Variants in KIF16B observed in about 807,000 individuals in gnomAD.
KIF16B encodes the protein kinesin family member 16B, also known as kinesin-like protein KIF16B.
A neutral mutation model predicts 156.3 loss-of-function variants in KIF16B; 98 were observed. The observed-to-expected ratio is 0.63, with a 90% CI of 0.53 to 0.74. The LOEUF (loss-of-function observed/expected upper bound fraction) is 0.74, where lower values mean the gene tolerates loss of function less well. KIF16B is among the 30% of genes least tolerant of loss of function. The pLI, the probability that KIF16B is intolerant of heterozygous loss-of-function variation, is 0.00. For synonymous variants in KIF16B, 564 were observed against 583.7 expected (o/e 0.97, Z 0.49); for missense variants, 1,421 against 1,606.5 (o/e 0.88, Z 1.97).
intron 12 of KIF16B, among the ~76,000 whole-genome samples, chr20:16,485,695 G>T (rs866733979): frequency 3.9e-5 from 6 of 152,274 alleles, no homozygotes; most frequent in Middle Eastern, 3.4e-3. Flanking sequence ...TCAGTGTTCA[G>T]ACCTACTGAG....
intron 23 of KIF16B, among the ~76,000 whole-genome samples, chr20:16,341,729 C>T (rs907934668): frequency 6.6e-6 from 1 of 152,218 alleles, no homozygotes. Flanking sequence ...TGGGCTGGGG[C>T]CCAGCAGTCT....
chr20:16,328,217 C>A (rs1457206834), intron 24 of KIF16B, among the ~76,000 whole-genome samples: 2 of 152,154 alleles, frequency 1.3e-5, no homozygotes, highest in African/African-American at 4.8e-5. Flanking sequence ...TGAACAATTG[C>A]TCTAACACAG....
intron 25 of KIF16B, among the ~76,000 whole-genome samples, chr20:16,277,936 C>T (rs373128258): frequency 6.6e-6 from 1 of 152,234 alleles, no homozygotes; most frequent in African/African-American, 2.4e-5. Context: ...GACAGTGACA[C>T]ACCTGAGTCT....
chr20:16,345,523 G>C (rs756870923), intron 23 of KIF16B, among the ~76,000 whole-genome samples: 3 of 152,206 alleles, frequency 2.0e-5, no homozygotes, highest in Non-Finnish European at 2.9e-5. Context: ...ATTACGGGAC[G>C]TAAGAGGGCA....
At chr20:16,552,700 T>G (rs1419387495) in intron 1 of KIF16B, among the ~76,000 whole-genome samples, 2 of 152,252 alleles carry the variant, frequency 1.3e-5, no homozygotes, top group Non-Finnish European at 2.9e-5. Context: ...TTATTTTCAT[T>G]ATGACACCAG....
chr20:16,330,889 T>A (rs183917335), intron 24 of KIF16B, among the ~76,000 whole-genome samples: 2 of 152,136 alleles, frequency 1.3e-5, no homozygotes, highest in Non-Finnish European at 1.5e-5. Flanking sequence ...TAGGCCAGAG[T>A]GGTTCTCACA....
chr20:16,391,143 G>A (rs2065354619), intron 17 of KIF16B, among the ~76,000 whole-genome samples: 1 of 152,054 alleles, frequency 6.6e-6, no homozygotes, highest in Admixed American at 6.5e-5. Context: ...CAAATGAGAG[G>A]TACACAGAGG....
chr20:16,404,171 A>G (rs2065724199), intron 17 of KIF16B, among the ~76,000 whole-genome samples: 1 of 152,182 alleles, frequency 6.6e-6, no homozygotes, highest in African/African-American at 2.4e-5. Flanking sequence ...ATTATTTTAC[A>G]TGAGATTATC....
At position 16,384,380 on chromosome 20, in the gene KIF16B, A is replaced by C. The variant is rs575909302; in HGVS notation, c.1785-2633T>G. On this transcript the variant is annotated intron_variant, in intron 17 of 25. Coordinates refer to ENST00000354981, the MANE Select transcript of KIF16B (RefSeq NM_024704.5). ...AGGATCAAGGCAAGCTTCCTGAAGAAGCATATATCTAATCTGAGTCATTCT... is the reference window on the plus strand; with the variant it reads ...AGGATCAAGGCAAGCTTCCTGAAGACGCATATATCTAATCTGAGTCATTCT... Among the ~76,000 whole-genome samples the C allele has an allele frequency of 3.3e-5, 5 of 152,252 alleles. No homozygotes were observed. In the East Asian group the frequency reaches 9.7e-4, roughly 30 times the overall value.
At chr20:16,449,095 G>GA (rs1409853706) in intron 12 of KIF16B, among the ~76,000 whole-genome samples, 1 of 151,842 alleles carries the variant, frequency 6.6e-6, no homozygotes, top group Admixed American at 6.6e-5. Context: ...CACAGAGAAA[G>GA]AAAAAATGGA....
chr20:16,418,448 A>G (rs2066144455), intron 15 of KIF16B, among the ~76,000 whole-genome samples: 1 of 152,118 alleles, frequency 6.6e-6, no homozygotes, highest in Admixed American at 6.5e-5. Context: ...GCTAACTGCC[A>G]CGGCTTTCAT....
chr20:16,371,910 T>C (rs961438940), intron 20 of KIF16B, 149 bp from the exon 21 acceptor site: 2 of 600,244 alleles, frequency 3.3e-6, no homozygotes, highest in Non-Finnish European at 5.9e-6. Flanking sequence ...AACATTTTTA[T>C]TTTTTTCAAG....
chr20:16,525,179 A>AAAAG (rs769037285), intron 3 of KIF16B, among the ~76,000 whole-genome samples: 1 of 152,202 alleles, frequency 6.6e-6, no homozygotes, highest in African/African-American at 2.4e-5. Context: ...CATAATTTAA[A>AAAAG]AAAGAAAGAA....
chr20:16,503,549 C>T (rs1206193326), intron 10 of KIF16B, among the ~76,000 whole-genome samples: 3 of 152,170 alleles, frequency 2.0e-5, no homozygotes, highest in Non-Finnish European at 4.4e-5. Flanking sequence ...TCCAACGGGA[C>T]CACTCTGCAC....
At chr20:16,401,428 A>G (rs528002386) in intron 17 of KIF16B, among the ~76,000 whole-genome samples, 1 of 152,312 alleles carries the variant, frequency 6.6e-6, no homozygotes, top group African/African-American at 2.4e-5. Flanking sequence ...ACAAAACCAC[A>G]TTCCTCTGCA....
intron 3 of KIF16B, among the ~76,000 whole-genome samples, chr20:16,523,484 G>A (rs564776343): frequency 6.6e-6 from 1 of 152,254 alleles, no homozygotes; most frequent in Non-Finnish European, 1.5e-5. Flanking sequence ...CAAGGGATGT[G>A]AAGGACCCCT....
chr20:16,531,897 G>A lies in KIF16B; in HGVS notation c.48-3457C>T, dbSNP rs1259495005. Among the ~76,000 whole-genome samples, 4 of 151,842 alleles carry A rather than the reference G, an allele frequency of 2.6e-5. No individual in the cohort carries two copies. In the East Asian group the frequency reaches 5.8e-4, roughly 22 times the overall value. On this transcript the variant is annotated intron_variant, in intron 1 of 25. Transcript: ENST00000354981. Reference sequence around the variant, plus strand: ...AGCCTGGCCAACATGGCAAAACCCCGCCTCTACTAAAAAGACAAAAAATAG... The same window carrying A: ...AGCCTGGCCAACATGGCAAAACCCCACCTCTACTAAAAAGACAAAAAATAG...
intron 24 of KIF16B, among the ~76,000 whole-genome samples, chr20:16,325,724 AG>A (rs1267804740): frequency 6.6e-6 from 1 of 152,116 alleles, no homozygotes; most frequent in Non-Finnish European, 1.5e-5. Context: ...TACTGACAAA[AG>A]CAATCTACAA....
At chr20:16,560,354 A>C (rs1389096281) in intron 1 of KIF16B, among the ~76,000 whole-genome samples, 1 of 152,206 alleles carries the variant, frequency 6.6e-6, no homozygotes, top group Non-Finnish European at 1.5e-5. Context: ...TCACACAGTG[A>C]CTTAACTGTG....
Sources: allele counts gnomAD v4.1 joint callset (sites outside exome capture counted in the v4.1 genomes callset), GRCh38; gene constraint gnomAD v4.1.1; transcripts MANE v1.5; gene names NCBI Gene and HGNC (gene_info 2026-07-23, HGNC 2026-07-21).